The following RIMBP2 variants were observed in gnomAD, a reference collection of about 807,000 sequenced individuals.
The protein encoded by RIMBP2 is RIMS binding protein 2.
RIMBP2 carries 48 observed loss-of-function variants against 118.6 expected under a neutral mutation model. The observed-to-expected ratio is 0.40, with a 90% CI of 0.32 to 0.51. The LOEUF is 0.51. Among genes scored for constraint, RIMBP2 ranks in the 20% least tolerant of loss-of-function variants. The pLI is 0.41. For synonymous variants in RIMBP2, 762 were observed against 742.9 expected, an observed-to-expected ratio of 1.03 and a Z score of -0.42; for missense variants, 1,551 against 1,768.3, an observed-to-expected ratio of 0.88 and a Z score of 2.20.
chr12:130,708,600 T>C (rs1949668197), intron 1 of RIMBP2, among the ~76,000 whole-genome samples: 1 of 152,014 alleles, frequency 6.6e-6, no homozygotes, highest in Non-Finnish European at 1.5e-5. Flanking sequence ...GGTGGGAGGA[T>C]CACCTCAGCC....
intron 2 of RIMBP2, among the ~76,000 whole-genome samples, chr12:130,604,493 A>G (rs1202014279): frequency 1.6e-5 from 2 of 121,914 alleles, no homozygotes; most frequent in African/African-American, 6.7e-5. Flanking sequence ...TCACTCACTC[A>G]CTCACTCACT....
chr12:130,576,175 T>C lies in RIMBP2; in HGVS notation c.-217+52147A>G, dbSNP rs556511825. ...GCAGATCGTACCTTGTAGGCCACGGTAGGAACCTTGCTTTGTATCCTGAGC... is the reference window on the plus strand; with the variant it reads ...GCAGATCGTACCTTGTAGGCCACGGCAGGAACCTTGCTTTGTATCCTGAGC... On this transcript the variant is annotated intron_variant, in intron 2 of 22. Coordinates refer to ENST00000690449, the MANE Select transcript of RIMBP2 (RefSeq NM_001393629.1). This position sits in a 1 kb window ranked among gnomAD's most constrained non-coding sequence, Gnocchi z 4.2. 6.6e-6 allele frequency among the ~76,000 whole-genome samples: 1 copy of C among 152,226 alleles called. No homozygotes were observed. The highest frequency in any genetic ancestry group is 2.4e-5 in the African/African-American group (1 of 41,558).
intron 2 of RIMBP2, among the ~76,000 whole-genome samples, chr12:130,531,797 C>G (rs918138694): frequency 6.6e-6 from 1 of 152,192 alleles, no homozygotes; most frequent in African/African-American, 2.4e-5. Flanking sequence ...TAGTAGGTGT[C>G]CCTTCCATGA....
Position 130,623,397 on chromosome 12 carries a change from C to T in RIMBP2, c.-217+4925G>A, listed in dbSNP as rs2061437211. ...CAAGTATTAGGTATTTGCCCTAATG[C>T]TCCCCCTCCCCTTGCCCCCACCCCC... On this transcript the variant is annotated intron_variant, in intron 2 of 22. Coordinates refer to ENST00000690449, the MANE Select transcript of RIMBP2 (RefSeq NM_001393629.1). The surrounding 1 kb of genome is among the most constrained non-coding windows in gnomAD (Gnocchi z 4.1). Among the ~76,000 whole-genome samples the T allele has an allele frequency of 6.6e-6, 1 of 152,088 alleles. No homozygotes were observed.
Position 130,414,297 on chromosome 12 carries a change from C to T in RIMBP2, c.3248G>A (p.Gly1083Glu). The T allele has an allele frequency of 6.3e-7, 1 of 1,586,740 alleles. No individual in the cohort carries two copies. The highest frequency in any genetic ancestry group is 8.6e-7 in the Non-Finnish European group (1 of 1,164,538). ...PVTVPSIDDY[G>E]RDRLSPDFYE... Reference sequence around the variant, plus strand: ...GAAGTCTGGAGAAAGGCGGTCTCGCCCGTAATCGTCTGCGAGCAAGTGGGG... The same window carrying T: ...GAAGTCTGGAGAAAGGCGGTCTCGCTCGTAATCGTCTGCGAGCAAGTGGGG... Residue 1083 changes from glycine (G) to glutamate (E), a missense_variant, in exon 18 of 23, where the codon GGG (glycine) becomes GAG (glutamate). Physicochemically the swap from Gly to Glu is moderately conservative, Grantham distance 98. Transcript: ENST00000690449.
rs982210165 is a variant in RIMBP2, at chr12:130,424,276, T to TG, written c.2994dup (p.Arg999GlnfsTer28). 1.1e-5 allele frequency: 13 copies of TG among 1,231,748 alleles called. No homozygotes were observed. Among genetic ancestry groups the TG allele is most frequent in the African/African-American group, 1.6e-5 (1 of 64,472 alleles). The allele number at this position is 1,231,748 out of a possible 1,614,324, so 76.3% of individuals were successfully genotyped here. Reference sequence around the variant, plus strand: ...GTGGGCTCGCCCCAGCCGTGCTTCCTGGGGGGCGGCCTCTCCGGGCCGGGC... The same window carrying TG: ...GTGGGCTCGCCCCAGCCGTGCTTCCTGGGGGGGCGGCCTCTCCGGGCCGGGC... On this transcript the variant is annotated frameshift_variant, in exon 16 of 23. Coordinates refer to ENST00000690449, the MANE Select transcript of RIMBP2 (RefSeq NM_001393629.1). LOFTEE classifies it high-confidence loss of function. This position sits in a 1 kb window ranked among gnomAD's most constrained non-coding sequence, Gnocchi z 9.8.
chr12:130,520,726 C>T (rs941953130), intron 2 of RIMBP2, among the ~76,000 whole-genome samples: 5 of 145,078 alleles, frequency 3.4e-5, no homozygotes, highest in East Asian at 2.1e-4. Flanking sequence ...TTGAAACTAA[C>T]GACCCCCTAC....
rs1213609995 is a variant in RIMBP2 at position 130,716,294 on chromosome 12, C to A, written c.-424G>T. 7.3e-6 allele frequency: 1 copy of A among 136,280 alleles called. No homozygotes were observed. The allele number at this position is 136,280 out of a possible 1,614,324, so 8.4% of individuals were successfully genotyped here. A position where few individuals can be genotyped will look rare whatever the true frequency, so the allele number is the denominator to read the frequency against. On this transcript the variant is annotated 5_prime_UTR_variant, in exon 1 of 23. Coordinates refer to ENST00000690449, the MANE Select transcript of RIMBP2 (RefSeq NM_001393629.1). ...AACTGCAGTGTACTGTGTCAGATTA[C>A]AAACTGGGGGCGAGACGGAGGGAGG...
rs554287220 is a variant in RIMBP2, at chr12:130,447,608, G to A, written c.582-2339C>T. On this transcript the variant is annotated intron_variant, in intron 9 of 22. Transcript: ENST00000690449. This position sits in a 1 kb window ranked among gnomAD's most constrained non-coding sequence, Gnocchi z 4.4. ...CGATGGGAGACCCCCACATGTGGCCGTGGCATCTGTGAGCACAGCAGTGGC... is the reference window on the plus strand; with the variant it reads ...CGATGGGAGACCCCCACATGTGGCCATGGCATCTGTGAGCACAGCAGTGGC... Among the ~76,000 whole-genome samples the A allele has an allele frequency of 2.0e-4, 31 of 152,302 alleles. No individual in the cohort carries two copies. The highest frequency in any genetic ancestry group is 3.7e-4 in the Non-Finnish European group (25 of 68,032).
rs777605608 is a variant in RIMBP2 at position 130,436,992 on chromosome 12, A to G, written c.1956T>C (p.His652=). 6 of 1,608,666 alleles carry G rather than the reference A, an allele frequency of 3.7e-6. No individual in the cohort carries two copies. The Admixed American group carries it at 1.0e-4, about 27-fold the overall frequency. Residue 652 remains histidine, a synonymous_variant, in exon 13 of 23, where the codon CAT becomes CAC. Coordinates refer to ENST00000690449, the MANE Select transcript of RIMBP2 (RefSeq NM_001393629.1). Reference sequence around the variant, plus strand: ...CCACGGGCGGCTCCAGCATGTGCCCATGCACAGGGCCAGGTGCACGGCTCT... The same window carrying G: ...CCACGGGCGGCTCCAGCATGTGCCCGTGCACAGGGCCAGGTGCACGGCTCT... ...WEQSRAPGPV[H]GHMLEPPVGP... is the part of the protein sequence containing the mutation.
At chr12:130,494,638 C>CAAAA (rs71451372) in intron 4 of RIMBP2, among the ~76,000 whole-genome samples, 9,026 of 135,634 alleles carry the variant, frequency 0.067, 485 homozygotes, top group East Asian at 0.17. Context: ...AACCCTGTCT[C>CAAAA]AAAAAAAAAA....
intron 5 of RIMBP2, among the ~76,000 whole-genome samples, chr12:130,476,478 G>A (rs2081439855): frequency 6.6e-6 from 1 of 152,142 alleles, no homozygotes; most frequent in South Asian, 2.1e-4. Flanking sequence ...GGTGGGGTAA[G>A]CACTCCAGCT....
chr12:130,504,738 C>T (rs925268106), intron 4 of RIMBP2, among the ~76,000 whole-genome samples: 2 of 152,088 alleles, frequency 1.3e-5, no homozygotes, highest in African/African-American at 4.8e-5. Flanking sequence ...AAGAAACAGA[C>T]ACACGGTTTC....
In RIMBP2 at chr12:130,622,178, G is replaced by T. The variant is rs374537158; in HGVS notation, c.-217+6144C>A. On this transcript the variant is annotated intron_variant, in intron 2 of 22. Coordinates refer to ENST00000690449, the MANE Select transcript of RIMBP2 (RefSeq NM_001393629.1). This position sits in a 1 kb window ranked among gnomAD's most constrained non-coding sequence, Gnocchi z 8.5. ...ATGAGCCCTGAGAACTTGCAGGCCT[G>T]TTTGTTTCAGGTTGGATCCTGGGTA... 9.2e-5 allele frequency among the ~76,000 whole-genome samples: 14 copies of T among 152,190 alleles called. No homozygotes were observed. The highest frequency in any genetic ancestry group is 5.8e-4 in the East Asian group (3 of 5,190).
intron 1 of RIMBP2, among the ~76,000 whole-genome samples, chr12:130,663,829 T>A (rs1463443097): frequency 6.6e-6 from 1 of 151,736 alleles, no homozygotes; most frequent in Non-Finnish European, 1.5e-5. Context: ...CCTTTAAAGA[T>A]ATGCAAATAC....
rs1566439384 is a variant in RIMBP2 at position 130,664,461 on chromosome 12, G to GCA, written c.-351-36007_-351-36006dup. Among the ~76,000 whole-genome samples the GCA allele has an allele frequency of 1.2e-4, 5 of 42,442 alleles. 1 individual carries two copies. The highest frequency in any genetic ancestry group is 3.0e-4 in the Non-Finnish European group (4 of 13,264). 27.8% of individuals were successfully genotyped at this position (42,442 alleles called of 152,430 possible). A position where few individuals can be genotyped will look rare whatever the true frequency, so the allele number is the denominator to read the frequency against. ...CACGCACACACGCACACACATGCAC[G>GCA]CACACACACGCACGCACACGCATCA... On this transcript the variant is annotated intron_variant, in intron 1 of 22. Transcript: ENST00000690449.
rs566380227 is a variant in RIMBP2 at position 130,675,352 on chromosome 12, C to A, written c.-352+40870G>T. ...CCGTGGAGCAGGCCTCCCCACCCAG[C>A]ACTTGTCCTCATTTGTGTCTGTGCC... On this transcript the variant is annotated intron_variant, in intron 1 of 22. Coordinates refer to ENST00000690449, the MANE Select transcript of RIMBP2 (RefSeq NM_001393629.1). 3.1e-3 allele frequency among the ~76,000 whole-genome samples: 475 copies of A among 152,328 alleles called. 1 individual carries two copies. Among genetic ancestry groups the A allele is most frequent in the Non-Finnish European group, 4.3e-3 (291 of 68,028 alleles).
intron 6 of RIMBP2, chr12:130,466,209 G>C (rs942866461): frequency 2.0e-5 from 3 of 152,224 alleles, no homozygotes; most frequent in African/African-American, 7.2e-5. Context: ...TCTCTGTTTT[G>C]ATAGGACGCT....
rs1252819310 is a variant in RIMBP2, at chr12:130,397,237, G to C, written c.*124C>G. On this transcript the variant is annotated 3_prime_UTR_variant, in exon 23 of 23. Transcript: ENST00000690449. ...TTAAAGTGGTTGGTAGTGCAAAAGT[G>C]CATTTCTCTACTGGTGTCAGGGGAG... is the stretch of plus-strand genomic sequence containing the variant. The C allele has an allele frequency of 2.5e-6, 1 of 392,686 alleles. No homozygotes were observed. Among genetic ancestry groups the C allele is most frequent in the Non-Finnish European group, 4.5e-6 (1 of 222,760 alleles). The allele number at this position is 392,686 out of a possible 1,614,324, so 24.3% of individuals were successfully genotyped here. A position where few individuals can be genotyped will look rare whatever the true frequency, so the allele number is the denominator to read the frequency against.
Sources: gnomAD v4.1 joint callset for allele counts (sites outside exome capture counted in the v4.1 genomes callset) on GRCh38, gnomAD v4.1.1 for gene constraint, Gnocchi (gnomAD v3.1) non-coding constraint, MANE v1.5 for transcripts, NCBI Gene and HGNC (gene_info 2026-07-23, HGNC 2026-07-21) for gene names.